Variants in CDH9 observed in about 807,000 individuals in gnomAD.
CDH9 encodes the protein cadherin 9.
In CDH9, 28 loss-of-function variants were observed where a neutral mutation model predicts 70.9. The observed-to-expected ratio is 0.40, with a 90% confidence interval of 0.29 to 0.54. CDH9 has a LOEUF of 0.54. Among genes scored for constraint, CDH9 ranks in the 20% least tolerant of loss-of-function variants. The pLI, the probability that CDH9 is intolerant of heterozygous loss-of-function variation, is 0.59. For missense variants in CDH9, 874 were observed against 984.4 expected (o/e 0.89, Z 1.50); for synonymous variants, 409 against 343.1 (o/e 1.19, Z -2.12).
chr5:26,942,141 G>A (rs191789007), intron 2 of CDH9, among the ~76,000 whole-genome samples: 23 of 152,250 alleles, frequency 1.5e-4, no homozygotes, highest in Non-Finnish European at 3.1e-4. Context: ...TGGTGGAAGG[G>A]GAAGCAAACA....
At chr5:26,984,045 C>T (rs1021221341) in intron 2 of CDH9, among the ~76,000 whole-genome samples, 4 of 151,948 alleles carry the variant, frequency 2.6e-5, no homozygotes, top group African/African-American at 9.7e-5. Context: ...ACTGTGTTTC[C>T]TGTTGTTTTA....
chr5:26,897,349 T>C (rs1740770909), intron 7 of CDH9, among the ~76,000 whole-genome samples: 1 of 152,014 alleles, frequency 6.6e-6, no homozygotes, highest in Admixed American at 6.6e-5. Context: ...TAACAAAACA[T>C]GTCAGAGACA....
chr5:26,936,971 G>T (rs1741570277), intron 2 of CDH9, among the ~76,000 whole-genome samples: 1 of 151,998 alleles, frequency 6.6e-6, no homozygotes, highest in South Asian at 2.1e-4. Context: ...TGTCACTCGG[G>T]TTTGAAATAT....
chr5:26,953,594 C>T (rs986520921), intron 2 of CDH9, among the ~76,000 whole-genome samples: 1 of 152,186 alleles, frequency 6.6e-6, no homozygotes, highest in African/African-American at 2.4e-5. Flanking sequence ...GCATTCCCAA[C>T]AATGTCAAAT....
At chr5:26,939,359 T>C (rs1741619263) in intron 2 of CDH9, among the ~76,000 whole-genome samples, 1 of 151,808 alleles carries the variant, frequency 6.6e-6, no homozygotes, top group Non-Finnish European at 1.5e-5. Flanking sequence ...ATTCAGAAGG[T>C]AATCTCATTT....
At chr5:26,911,919 G>A (rs1741061106) in intron 3 of CDH9, among the ~76,000 whole-genome samples, 1 of 152,020 alleles carries the variant, frequency 6.6e-6, no homozygotes, top group South Asian at 2.1e-4. Flanking sequence ...AGAAACTGAA[G>A]CAGAGGGAAA....
chr5:26,923,756 A>G (rs1741289043), intron 2 of CDH9, among the ~76,000 whole-genome samples: 1 of 152,132 alleles, frequency 6.6e-6, no homozygotes, highest in African/African-American at 2.4e-5. Context: ...CAAACACATG[A>G]GGAATTTTAG....
chr5:26,953,327 CTA>C (rs1163184567), intron 2 of CDH9, among the ~76,000 whole-genome samples: 3 of 152,152 alleles, frequency 2.0e-5, no homozygotes, highest in African/African-American at 7.2e-5. Flanking sequence ...TAAAAACAAA[CTA>C]AAACTTAGGC....
intron 2 of CDH9, among the ~76,000 whole-genome samples, chr5:26,984,898 C>T (rs1742463973): frequency 6.6e-6 from 1 of 152,108 alleles, no homozygotes; most frequent in Non-Finnish European, 1.5e-5. Flanking sequence ...TTTATTCCAA[C>T]ATTTCTGACT....
intron 2 of CDH9, among the ~76,000 whole-genome samples, chr5:26,973,172 A>AT (rs1242741556): frequency 6.6e-6 from 1 of 151,962 alleles, no homozygotes; most frequent in Non-Finnish European, 1.5e-5. Context: ...TTAAACTTAG[A>AT]TTTTTATCTG....
At chr5:27,013,207 C>T (rs898802128) in intron 1 of CDH9, among the ~76,000 whole-genome samples, 16 of 151,856 alleles carry the variant, frequency 1.1e-4, no homozygotes, top group Non-Finnish European at 1.3e-4. Context: ...AAACTGGCAC[C>T]TAAAGTTTAA....
chr5:26,883,130 T>C (rs1003843946), intron 11 of CDH9, among the ~76,000 whole-genome samples: 8 of 141,240 alleles, frequency 5.7e-5, no homozygotes, highest in Non-Finnish European at 1.1e-4. Context: ...TGTACTCTTC[T>C]TTTAAAAGAT....
chr5:26,987,375 G>A (rs1301522737), intron 2 of CDH9, among the ~76,000 whole-genome samples: 3 of 151,824 alleles, frequency 2.0e-5, no homozygotes, highest in African/African-American at 7.2e-5. Flanking sequence ...GATTGGTAAG[G>A]AAAAGGATGA....
At chr5:26,946,250 C>T (rs1215932741) in intron 2 of CDH9, among the ~76,000 whole-genome samples, 1 of 152,110 alleles carries the variant, frequency 6.6e-6, no homozygotes, top group African/African-American at 2.4e-5. Context: ...GATGTGGTGA[C>T]TTACATTGAA....
In CDH9 at chr5:26,881,094, A is replaced by T; in HGVS notation, c.*42T>A. The T allele has an allele frequency of 6.5e-7, 1 of 1,528,462 alleles. No individual in the cohort carries two copies. The highest frequency in any genetic ancestry group is 8.8e-7 in the Non-Finnish European group (1 of 1,132,228). 94.7% of individuals were successfully genotyped at this position (1,528,462 alleles called of 1,614,324 possible). A position where few individuals can be genotyped will look rare whatever the true frequency, so the allele number is the denominator to read the frequency against. On this transcript the variant is annotated 3_prime_UTR_variant, in exon 12 of 12. Coordinates refer to ENST00000231021, the MANE Select transcript of CDH9 (RefSeq NM_016279.4). Reference sequence around the variant, plus strand: ...TGCAGGCCACTCAATCTAATAACATAGACAGTACTTCCACTAATATTGATT... The same window carrying T: ...TGCAGGCCACTCAATCTAATAACATTGACAGTACTTCCACTAATATTGATT...
Position 26,881,346 on chromosome 5 carries a change from T to C in CDH9, c.2160A>G (p.Leu720=). The C allele has an allele frequency of 1.2e-6, 2 of 1,613,584 alleles. No individual in the cohort carries two copies. The highest frequency in any genetic ancestry group is 1.7e-6 in the Non-Finnish European group (2 of 1,179,638). Residue 720 remains leucine, a synonymous_variant, in exon 12 of 12, where the codon TTA becomes TTG. Transcript: ENST00000231021. ...CACTTGGGTCTGCGTCGTTTTCTTT[T>C]AATCTTCGATGGATAAAATCTTGTA... The part of the protein sequence containing the change: ...IDVQDFIHRR[L]KENDADPSAP...
intron 1 of CDH9, among the ~76,000 whole-genome samples, chr5:27,011,556 CTG>C (rs1742954390): frequency 1.3e-5 from 2 of 152,044 alleles, no homozygotes; most frequent in South Asian, 4.1e-4. Flanking sequence ...GCCTCCAGAA[CTG>C]AGAGAGAACA....
At chr5:26,931,337 A>G (rs193185489) in intron 2 of CDH9, among the ~76,000 whole-genome samples, 13 of 152,138 alleles carry the variant, frequency 8.5e-5, no homozygotes, top group African/African-American at 2.9e-4. Context: ...GAAGAGCCCA[A>G]TCAAGATATC....
At chr5:27,021,012 G>C (rs1561043451) in intron 1 of CDH9, among the ~76,000 whole-genome samples, 1 of 151,726 alleles carries the variant, frequency 6.6e-6, no homozygotes, top group Non-Finnish European at 1.5e-5. Context: ...ACTTCTAAGT[G>C]TAGATTTGGC....
Sources: allele counts gnomAD v4.1 joint callset (sites outside exome capture counted in the v4.1 genomes callset), GRCh38; gene constraint gnomAD v4.1.1; transcripts MANE v1.5; gene names NCBI Gene and HGNC (gene_info 2026-07-23, HGNC 2026-07-21).